PDE1C: variants seen among roughly 807,000 people sequenced by gnomAD.
The protein encoded by PDE1C is phosphodiesterase 1C, also known as dual specificity calcium/calmodulin-dependent 3',5'-cyclic nucleotide phosphodiesterase 1C.
PDE1C carries 62 observed loss-of-function variants against 93.1 expected under a neutral mutation model. That is an observed-to-expected ratio of 0.67 (90% CI 0.54 to 0.82). The LOEUF is 0.82. Ranked by LOEUF, PDE1C falls within the 40% of genes least tolerant of loss-of-function variation. The pLI is 0.00. For synonymous variants in PDE1C, 325 were observed against 310.1 expected (o/e 1.05, Z -0.50); for missense variants, 742 against 884.6 (o/e 0.84, Z 2.04).
At chr7:31,985,272 G>T (rs1054021026) in intron 2 of PDE1C, among the ~76,000 whole-genome samples, 1 of 151,956 alleles carries the variant, frequency 6.6e-6, no homozygotes, top group East Asian at 1.9e-4. Flanking sequence ...CACTAAAGGG[G>T]TCTACATTTT....
chr7:31,751,140 C>T (rs1190838518), downstream of PDE1C: 2 of 152,070 alleles, frequency 1.3e-5, no homozygotes, highest in African/African-American at 4.8e-5. Context: ...TCTAACATCC[C>T]GGAATTTCAG....
rs192270780 is a variant in PDE1C, at chr7:32,313,318, A to T, written c.311-103779T>A. Reference sequence around the variant, plus strand: ...TACACTGTTGGTGGGACTGTAAACTAGTTCAACCATGTGGAAGTCAGTGTG... The same window carrying T: ...TACACTGTTGGTGGGACTGTAAACTTGTTCAACCATGTGGAAGTCAGTGTG... On this transcript the variant is annotated intron_variant, in intron 1 of 1. Transcript: ENST00000672256. Among the ~76,000 whole-genome samples, 259 of 149,156 alleles carry T rather than the reference A, an allele frequency of 1.7e-3. 2 individuals carry two copies. The highest frequency in any genetic ancestry group is 6.2e-3 in the African/African-American group (251 of 40,522).
At chr7:32,276,826 G>C (rs1283098083) in intron 1 of PDE1C, among the ~76,000 whole-genome samples, 1 of 152,144 alleles carries the variant, frequency 6.6e-6, no homozygotes, top group East Asian at 1.9e-4. Flanking sequence ...ACCAACTGGA[G>C]AAATAACTGG....
At chr7:31,632,318 C>T in the PDE1C span, among the ~76,000 whole-genome samples, 2 of 151,968 alleles carry the variant, frequency 1.3e-5, no homozygotes, top group Admixed American at 6.6e-5. Flanking sequence ...CGTGGTGGCA[C>T]GTGCCTGTAG....
intron 1 of PDE1C, among the ~76,000 whole-genome samples, chr7:32,334,312 A>G (rs755279307): frequency 6.6e-6 from 1 of 152,184 alleles, no homozygotes; most frequent in Non-Finnish European, 1.5e-5. Flanking sequence ...TTTCTGAACT[A>G]TATTTTTTAA....
intron 13 of PDE1C, among the ~76,000 whole-genome samples, chr7:31,824,056 TC>T (rs1789341648): frequency 6.6e-6 from 1 of 152,014 alleles, no homozygotes; most frequent in Non-Finnish European, 1.5e-5. Flanking sequence ...ATCCCTGGGG[TC>T]CCCTGTCCTA....
rs78018218 is a variant in PDE1C at position 32,396,533 on chromosome 7, A to T, written c.310+31289T>A. Among the ~76,000 whole-genome samples the T allele has an allele frequency of 1.4e-4, 21 of 145,488 alleles. No homozygotes were observed. In the East Asian group the frequency reaches 4.3e-3, roughly 30 times the overall value. ...TGCATATTGAAGTATGGGGGGGGGG[A>T]GTGTTGTAATGTCTTCAACTTTCTT... On this transcript the variant is annotated intron_variant, in intron 1 of 1. Coordinates refer to the PDE1C transcript ENST00000672256.
At chr7:31,835,665 G>A (rs1026941461) in intron 11 of PDE1C, among the ~76,000 whole-genome samples, 5 of 150,208 alleles carry the variant, frequency 3.3e-5, no homozygotes, top group Admixed American at 6.7e-5. Flanking sequence ...CCCTCCCCCC[G>A]CTCCCCCAAC....
chr7:31,651,788 C>G, the PDE1C span: 11 of 464,824 alleles, frequency 2.4e-5, no homozygotes, highest in Non-Finnish European at 4.3e-5. Context: ...TTAAAGAAGA[C>G]AACCTTAGTA....
At chr7:32,283,578 C>T (rs1562648670) in intron 1 of PDE1C, among the ~76,000 whole-genome samples, 1 of 152,126 alleles carries the variant, frequency 6.6e-6, no homozygotes, top group Non-Finnish European at 1.5e-5. Context: ...TCTTTTTCTC[C>T]TTAGCATGAA....
At chr7:31,658,230 T>G in the PDE1C span, 1 of 1,459,526 alleles carries the variant, frequency 6.9e-7, no homozygotes. Context: ...CAGAAAAATG[T>G]TGCATTAGGT....
Position 32,272,587 on chromosome 7 carries a change from G to A in PDE1C, c.85+26064C>T, listed in dbSNP as rs6462347. On this transcript the variant is annotated intron_variant, in intron 1 of 18. Transcript: ENST00000396193. ...CAAAATATTAAAAATTAAGTTGCCC[G>A]TGTCACTCTTGGCTATCTAATCAAC... Among the ~76,000 whole-genome samples, 1,272 of 152,216 alleles carry A rather than the reference G, an allele frequency of 8.4e-3. 21 individuals carry two copies. Among genetic ancestry groups the A allele is most frequent in the African/African-American group, 0.03 (1,233 of 41,548 alleles).
chr7:31,915,305 C>A (rs1801741906), intron 2 of PDE1C, among the ~76,000 whole-genome samples: 1 of 152,166 alleles, frequency 6.6e-6, no homozygotes, highest in Admixed American at 6.5e-5. Flanking sequence ...AGCCCCATGC[C>A]TGGCCTCCAG....
chr7:31,928,659 C>A (rs1803729004), intron 2 of PDE1C, among the ~76,000 whole-genome samples: 1 of 152,086 alleles, frequency 6.6e-6, no homozygotes, highest in African/African-American at 2.4e-5. Flanking sequence ...ATTTTCAACC[C>A]AGAATTTTAT....
chr7:32,003,617 T>C (rs1361646358), intron 2 of PDE1C, among the ~76,000 whole-genome samples: 1 of 152,188 alleles, frequency 6.6e-6, no homozygotes. Flanking sequence ...GCCCATCCAT[T>C]ATAACAACAT....
chr7:32,393,968 A>T (rs1319816326), intron 1 of PDE1C, among the ~76,000 whole-genome samples: 2 of 152,224 alleles, frequency 1.3e-5, no homozygotes, highest in Non-Finnish European at 2.9e-5. Flanking sequence ...TTTGTGGGAA[A>T]TGTATACCCT....
At chr7:32,062,629 TTTC>T (rs1164392566) in intron 1 of PDE1C, among the ~76,000 whole-genome samples, 2 of 152,194 alleles carry the variant, frequency 1.3e-5, no homozygotes, top group Admixed American at 6.5e-5. Flanking sequence ...TCTTCTATGT[TTTC>T]ACAGCTCCCT....
At chr7:32,001,691 G>C (rs939765588) in intron 2 of PDE1C, among the ~76,000 whole-genome samples, 2 of 151,694 alleles carry the variant, frequency 1.3e-5, no homozygotes, top group Non-Finnish European at 2.9e-5. Context: ...ATGTAAAAAA[G>C]TAAAAAAAAA....
chr7:32,079,686 A>C (rs943776340), intron 3 of PDE1C, among the ~76,000 whole-genome samples: 1 of 152,230 alleles, frequency 6.6e-6, no homozygotes, highest in East Asian at 1.9e-4. Flanking sequence ...TCGTGGTCTC[A>C]GCATGTAGCT....
Sources: allele counts gnomAD v4.1 joint callset (sites outside exome capture counted in the v4.1 genomes callset), GRCh38; gene constraint gnomAD v4.1.1; transcripts MANE v1.5; gene names NCBI Gene and HGNC (gene_info 2026-07-23, HGNC 2026-07-21).